FAM107B: variants seen among roughly 807,000 people sequenced by gnomAD.
FAM107B encodes protein FAM107B.
A neutral mutation model predicts 31.5 loss-of-function variants in FAM107B; 21 were observed. The observed-to-expected ratio is 0.67, with a 90% CI of 0.47 to 0.96. The LOEUF (loss-of-function observed/expected upper bound fraction) is 0.96. FAM107B is among the 40% of genes least tolerant of loss of function. FAM107B has a pLI of 0.00. For synonymous variants in FAM107B, 157 were observed against 141.5 expected (o/e 1.11, Z -0.78); for missense variants, 452 against 377.1 (o/e 1.20, Z -1.64).
chr10:14,592,240 A>C (rs1852044284), intron 2 of FAM107B, among the ~76,000 whole-genome samples: 1 of 152,212 alleles, frequency 6.6e-6, no homozygotes, highest in Admixed American at 6.5e-5. Flanking sequence ...GCTCAGGACC[A>C]AGAAACCCTC....
intron 2 of FAM107B, among the ~76,000 whole-genome samples, chr10:14,656,388 A>T (rs376926673): frequency 6.6e-6 from 1 of 152,242 alleles, no homozygotes; most frequent in African/African-American, 2.4e-5. Context: ...CATCTTTGAG[A>T]TTTGAAAACT....
Position 14,599,364 on chromosome 10 carries a change from C to T in FAM107B, c.469+68270G>A, listed in dbSNP as rs563951170. ...TCTAAGGGGGTGCTGTTCTTACACC[C>T]CAGTCTCTCTGCCACAGCAGAAACC... On this transcript the variant is annotated intron_variant, in intron 2 of 4. Transcript: ENST00000181796. Among the ~76,000 whole-genome samples the T allele has an allele frequency of 1.9e-4, 29 of 152,328 alleles. No homozygotes were observed. In the South Asian group the frequency reaches 6.0e-3, roughly 32 times the overall value.
At chr10:14,545,890 A>G in intron 2 of FAM107B, among the ~76,000 whole-genome samples, 1 of 152,220 alleles carries the variant, frequency 6.6e-6, no homozygotes, top group Non-Finnish European at 1.5e-5. Context: ...AGGAAACTAC[A>G]AAGAGGATGG....
intron 2 of FAM107B, among the ~76,000 whole-genome samples, chr10:14,660,060 A>T (rs1008962577): frequency 6.6e-6 from 1 of 152,116 alleles, no homozygotes; most frequent in African/African-American, 2.4e-5. Context: ...GCTGGGCTCC[A>T]CTCAGTTCTA....
intron 2 of FAM107B, among the ~76,000 whole-genome samples, chr10:14,584,788 C>G (rs1339506611): frequency 1.3e-5 from 2 of 152,192 alleles, no homozygotes; most frequent in African/African-American, 4.8e-5. Flanking sequence ...CTTGCAACCC[C>G]CACCTTTTCT....
chr10:14,648,564 G>A (rs549289600), intron 2 of FAM107B, among the ~76,000 whole-genome samples: 3 of 152,196 alleles, frequency 2.0e-5, no homozygotes, highest in Non-Finnish European at 4.4e-5. Context: ...AGACACCGAA[G>A]AGCCAATGAT....
chr10:14,669,560 T>C lies in FAM107B; in HGVS notation c.412-1869A>G, dbSNP rs571955303. ...GGTAAATATACACAATGGAATACTATTTGGCCATAAAAAAAAGAATGAAAC... is the reference window on the plus strand; with the variant it reads ...GGTAAATATACACAATGGAATACTACTTGGCCATAAAAAAAAGAATGAAAC... On this transcript the variant is annotated intron_variant, in intron 1 of 4. Transcript: ENST00000181796. 2.6e-5 allele frequency among the ~76,000 whole-genome samples: 4 copies of C among 152,182 alleles called. No individual in the cohort carries two copies. In the South Asian group the frequency reaches 8.3e-4, roughly 32 times the overall value.
intron 1 of FAM107B, among the ~76,000 whole-genome samples, chr10:14,769,681 C>T (rs781234593): frequency 2.6e-5 from 4 of 151,972 alleles, no homozygotes; most frequent in African/African-American, 7.2e-5. Flanking sequence ...CCACCGCGCC[C>T]GGCCACAATT....
intron 2 of FAM107B, among the ~76,000 whole-genome samples, chr10:14,614,479 C>T (rs1209384814): frequency 1.3e-5 from 2 of 151,856 alleles, no homozygotes; most frequent in Non-Finnish European, 2.9e-5. Flanking sequence ...TCAAGATCAG[C>T]CTGACCAACA....
intron 2 of FAM107B, among the ~76,000 whole-genome samples, chr10:14,536,700 T>G (rs1847646663): frequency 6.6e-6 from 1 of 152,192 alleles, no homozygotes; most frequent in African/African-American, 2.4e-5. Flanking sequence ...ACCAACCTGG[T>G]GCACCAAGGC....
At chr10:14,651,465 C>T (rs553498433) in intron 2 of FAM107B, among the ~76,000 whole-genome samples, 3 of 152,148 alleles carry the variant, frequency 2.0e-5, no homozygotes, top group African/African-American at 7.2e-5. Flanking sequence ...ATGAGCCAGG[C>T]GTGGTGGTGC....
intron 1 of FAM107B, chr10:14,723,831 A>G: frequency 6.6e-6 from 5 of 756,664 alleles, no homozygotes; most frequent in Non-Finnish European, 1.2e-5. Context: ...AGGACATGAC[A>G]CTGACATCAG....
chr10:14,707,170 C>T (rs1855541032), intron 1 of FAM107B, among the ~76,000 whole-genome samples: 1 of 151,602 alleles, frequency 6.6e-6, no homozygotes, highest in Admixed American at 6.6e-5. Flanking sequence ...AACAACAAAA[C>T]AAAACAAAAA....
intron 2 of FAM107B, among the ~76,000 whole-genome samples, chr10:14,546,367 G>A (rs774213030): frequency 2.0e-5 from 3 of 152,220 alleles, no homozygotes; most frequent in Non-Finnish European, 4.4e-5. Context: ...CTACTGATCT[G>A]TGGGTGTTTT....
chr10:14,681,555 A>G (rs1313935961), intron 1 of FAM107B, among the ~76,000 whole-genome samples: 1 of 152,174 alleles, frequency 6.6e-6, no homozygotes, highest in Non-Finnish European at 1.5e-5. Context: ...CTTGGGTCGC[A>G]TACTTGCCCC....
In FAM107B at chr10:14,601,080, A is replaced by G. The variant is rs118048375; in HGVS notation, c.469+66554T>C. 5.6e-3 allele frequency among the ~76,000 whole-genome samples: 852 copies of G among 152,238 alleles called. 3 individuals carry two copies. Among genetic ancestry groups the G allele is most frequent in the Non-Finnish European group, 8.2e-3 (560 of 67,992 alleles). On this transcript the variant is annotated intron_variant, in intron 2 of 4. Transcript: ENST00000181796. Reference sequence around the variant, plus strand: ...CTGTACCCAGCCCAGTTCTTTAAATATCCTCCTCACCTGCCTTATAGTCTT... The same window carrying G: ...CTGTACCCAGCCCAGTTCTTTAAATGTCCTCCTCACCTGCCTTATAGTCTT...
At position 14,774,649 on chromosome 10, in the gene FAM107B, T is replaced by C; in HGVS notation, c.15A>G (p.Lys5=). 2 of 1,613,320 alleles carry C rather than the reference T, an allele frequency of 1.2e-6. No homozygotes were observed. Among genetic ancestry groups the C allele is most frequent in the Non-Finnish European group, 1.7e-6 (2 of 1,179,470 alleles). MSTW[K]ARLTKRLKSP... is the part of the protein sequence containing the mutation. The stretch of plus-strand genomic sequence containing the variant: ...ACTTCAGTCTTTTGGTGAGTCTTGC[T>C]TTCCACGTGGACATGACTTGCAGTG... Residue 5 remains lysine, a synonymous_variant, in exon 1 of 5, where the codon AAA becomes AAG. Coordinates refer to ENST00000181796, the MANE Select transcript of FAM107B (RefSeq NM_031453.4).
chr10:14,628,011 A>C, intron 2 of FAM107B, among the ~76,000 whole-genome samples: 1 of 152,058 alleles, frequency 6.6e-6, no homozygotes, highest in Non-Finnish European at 1.5e-5. Flanking sequence ...CACAATTATT[A>C]TAAAAAGGTC....
intron 2 of FAM107B, among the ~76,000 whole-genome samples, chr10:14,582,853 A>G (rs916711420): frequency 6.6e-5 from 10 of 152,160 alleles, no homozygotes; most frequent in Non-Finnish European, 1.5e-4. Flanking sequence ...TGGGAGGCCA[A>G]GGCACGTGAA....
Sources: allele counts gnomAD v4.1 joint callset (sites outside exome capture counted in the v4.1 genomes callset), GRCh38; gene constraint gnomAD v4.1.1; transcripts MANE v1.5; gene names NCBI Gene and HGNC (gene_info 2026-07-23, HGNC 2026-07-21).